SBF2: variants seen among roughly 807,000 people sequenced by gnomAD.
SBF2 encodes myotubularin-related protein 13.
SBF2 carries 112 observed loss-of-function variants against 225.2 expected under a neutral mutation model. That is an observed-to-expected ratio of 0.50 (90% CI 0.43 to 0.58). SBF2 has a LOEUF of 0.58. SBF2 is among the 20% of genes least tolerant of loss of function. The pLI is 0.00. For synonymous variants in SBF2, 763 were observed against 773.3 expected (o/e 0.99, Z 0.22); for missense variants, 1,996 against 2,206.2 (o/e 0.90, Z 1.91).
intron 16 of SBF2, among the ~76,000 whole-genome samples, chr11:9,945,730 T>C (rs1865523167): frequency 6.6e-6 from 1 of 152,008 alleles, no homozygotes; most frequent in African/African-American, 2.4e-5. Context: ...TAAAAGAGAC[T>C]TAAACCAACA....
intron 17 of SBF2, among the ~76,000 whole-genome samples, chr11:9,884,026 C>T (rs1298097493): frequency 6.6e-6 from 1 of 152,188 alleles, no homozygotes; most frequent in African/African-American, 2.4e-5. Flanking sequence ...CTCTTGAATA[C>T]TTCTGGAATT....
chr11:9,878,019 T>G (rs1282328752), intron 17 of SBF2, among the ~76,000 whole-genome samples: 8 of 152,230 alleles, frequency 5.3e-5, no homozygotes, highest in Non-Finnish European at 8.8e-5. Flanking sequence ...ACCAACAGTG[T>G]AAAAGCATTC....
chr11:10,202,382 T>C (rs531162558), intron 1 of SBF2, among the ~76,000 whole-genome samples: 3 of 152,312 alleles, frequency 2.0e-5, no homozygotes, highest in East Asian at 3.9e-4. Flanking sequence ...CTCCGAGTCA[T>C]GTTCAAGTTT....
intron 1 of SBF2, among the ~76,000 whole-genome samples, chr11:10,222,744 A>G (rs1425583056): frequency 6.6e-6 from 1 of 152,188 alleles, no homozygotes; most frequent in Non-Finnish European, 1.5e-5. Context: ...TTCAACAAAT[A>G]TTTATTAACC....
chr11:10,119,110 G>A (rs995224949), intron 2 of SBF2, among the ~76,000 whole-genome samples: 17 of 151,990 alleles, frequency 1.1e-4, no homozygotes, highest in Admixed American at 2.6e-4. Context: ...AATATTTAAG[G>A]TGGAAATTCC....
rs116591914 is a variant in SBF2 at position 10,270,458 on chromosome 11, G to C, written c.55+23557C>G. Among the ~76,000 whole-genome samples, 270 of 152,292 alleles carry C rather than the reference G, an allele frequency of 1.8e-3. 1 individual carries two copies. Among genetic ancestry groups the C allele is most frequent in the African/African-American group, 6.0e-3 (248 of 41,562 alleles). On this transcript the variant is annotated intron_variant, in intron 1 of 39. Coordinates refer to ENST00000256190, the MANE Select transcript of SBF2 (RefSeq NM_030962.4). ...TTAAGTGGAAGCAGATCATCACAAA[G>C]GTCTTCATCCTTATTGTCCTCATGT...
intron 2 of SBF2, among the ~76,000 whole-genome samples, chr11:10,168,141 C>G (rs1335259890): frequency 1.3e-5 from 2 of 152,184 alleles, no homozygotes; most frequent in African/African-American, 4.8e-5. Context: ...TAGTACTGGT[C>G]TCTCTCCACT....
intron 2 of SBF2, among the ~76,000 whole-genome samples, chr11:10,106,865 A>G (rs986999166): frequency 6.6e-6 from 1 of 152,134 alleles, no homozygotes; most frequent in African/African-American, 2.4e-5. Flanking sequence ...AAAGAATTGA[A>G]GAAGTACTTC....
At chr11:10,149,250 C>A (rs185696334) in intron 2 of SBF2, 1 of 152,122 alleles carries the variant, frequency 6.6e-6, no homozygotes, top group African/African-American at 2.4e-5. Flanking sequence ...TTAATCTGAC[C>A]ATTATATCAA....
chr11:9,818,309 A>G (rs17268414), intron 28 of SBF2, among the ~76,000 whole-genome samples: 2 of 152,040 alleles, frequency 1.3e-5, no homozygotes, highest in African/African-American at 4.8e-5. Flanking sequence ...ATGAGATAAG[A>G]TGACCTTAGT....
At chr11:10,114,345 T>C (rs745402319) in intron 2 of SBF2, among the ~76,000 whole-genome samples, 1 of 152,234 alleles carries the variant, frequency 6.6e-6, no homozygotes, top group South Asian at 2.1e-4. Flanking sequence ...GGAAAATATA[T>C]GCTTTATCTT....
In SBF2 at chr11:9,785,333, A is replaced by C; in HGVS notation, c.5038-15T>G. On this transcript the variant is annotated splice_polypyrimidine_tract_variant and intron_variant, in intron 36 of 39. Coordinates refer to ENST00000256190, the MANE Select transcript of SBF2 (RefSeq NM_030962.4). ...TGTCTTTGGGACTGAAAAAGACAGG[A>C]CAGGAGCTAGGAAACCTTTACAGAC... The C allele has an allele frequency of 6.2e-7, 1 of 1,610,804 alleles. No individual in the cohort carries two copies. Among genetic ancestry groups the C allele is most frequent in the Non-Finnish European group, 8.5e-7 (1 of 1,177,204 alleles).
At chr11:9,971,986 T>C (rs1288012898) in intron 13 of SBF2, among the ~76,000 whole-genome samples, 1 of 152,094 alleles carries the variant, frequency 6.6e-6, no homozygotes, top group Non-Finnish European at 1.5e-5. Context: ...ATGATAGAGA[T>C]AGGTGGCATG....
At chr11:9,896,072 C>T (rs892981793) in intron 16 of SBF2, 61 bp from the exon 17 acceptor site, 8 of 1,297,914 alleles carry the variant, frequency 6.2e-6, no homozygotes, top group Admixed American at 3.4e-5. Context: ...CAAATACATG[C>T]GAACTAACAT....
intron 1 of SBF2, among the ~76,000 whole-genome samples, chr11:10,277,659 T>A (rs768783039): frequency 9.2e-5 from 14 of 152,132 alleles, no homozygotes; most frequent in Non-Finnish European, 1.5e-4. Context: ...TATCATGGAT[T>A]TAGGGTGAGC....
intron 16 of SBF2, among the ~76,000 whole-genome samples, chr11:9,935,146 T>C (rs1342112332): frequency 1.3e-5 from 2 of 152,080 alleles, no homozygotes; most frequent in Admixed American, 1.3e-4. Flanking sequence ...ATCACAAGCA[T>C]TCTTACACCA....
At chr11:10,061,717 C>T (rs751681064) in intron 2 of SBF2, among the ~76,000 whole-genome samples, 4 of 152,136 alleles carry the variant, frequency 2.6e-5, no homozygotes, top group Admixed American at 6.5e-5. Flanking sequence ...GGAAAAACAT[C>T]CCATGCTCAT....
At chr11:10,117,185 A>G (rs1488769192) in intron 2 of SBF2, among the ~76,000 whole-genome samples, 1 of 152,170 alleles carries the variant, frequency 6.6e-6, no homozygotes, top group African/African-American at 2.4e-5. Context: ...TCACGCCTGT[A>G]ATCCCAGCAC....
intron 1 of SBF2, among the ~76,000 whole-genome samples, chr11:10,273,089 AT>A (rs1309163272): frequency 1.6e-4 from 24 of 152,084 alleles, no homozygotes; most frequent in African/African-American, 3.6e-4. Context: ...AAATAAATAA[AT>A]AAATAAATAA....
Sources: gnomAD v4.1 joint callset for allele counts (sites outside exome capture counted in the v4.1 genomes callset) on GRCh38, gnomAD v4.1.1 for gene constraint, MANE v1.5 for transcripts, NCBI Gene and HGNC (gene_info 2026-07-23, HGNC 2026-07-21) for gene names.